Variants in GLCCI1 observed in about 807,000 individuals in gnomAD.
The protein encoded by GLCCI1 is glucocorticoid induced 1.
A neutral mutation model predicts 52.2 loss-of-function variants in GLCCI1; 24 were observed. The ratio of observed to expected loss-of-function variants is 0.46; its 90% CI spans 0.33 to 0.65. The LOEUF is 0.65. Among genes scored for constraint, GLCCI1 ranks in the 30% least tolerant of loss-of-function variants. GLCCI1 has a pLI of 0.02. For synonymous variants in GLCCI1, 310 were observed against 276.5 expected (o/e 1.12, Z -1.20); for missense variants, 704 against 701.5 (o/e 1.00, Z -0.04).
At chr7:8,053,392 T>C (rs1378731901) in intron 3 of GLCCI1, among the ~76,000 whole-genome samples, 2 of 150,782 alleles carry the variant, frequency 1.3e-5, no homozygotes, top group Non-Finnish European at 3.0e-5. Context: ...GGTGGGATCT[T>C]GGCTCACTGC....
In GLCCI1 at chr7:8,013,578, C is replaced by T. The variant is rs1044196927; in HGVS notation, c.610-8905C>T. 1.1e-3 allele frequency among the ~76,000 whole-genome samples: 165 copies of T among 152,188 alleles called. 2 individuals are homozygous for T. Among genetic ancestry groups the T allele is most frequent in the African/African-American group, 3.7e-3 (152 of 41,518 alleles). On this transcript the variant is annotated intron_variant, in intron 2 of 7. Coordinates refer to ENST00000223145, the MANE Select transcript of GLCCI1 (RefSeq NM_138426.4). ...CAATTCCTCAAAATGTTTTATATTA[C>T]AATTAAATATGAATTCAGGGGAATT...
chr7:8,065,924 T>G (rs1019290911), intron 5 of GLCCI1, among the ~76,000 whole-genome samples: 2 of 152,146 alleles, frequency 1.3e-5, no homozygotes, highest in African/African-American at 2.4e-5. Flanking sequence ...TAGAATTAGT[T>G]AAGGAGAAGT....
intron 6 of GLCCI1, among the ~76,000 whole-genome samples, chr7:8,077,974 C>T (rs111854710): frequency 0.014 from 2,127 of 152,136 alleles, 40 homozygotes; most frequent in African/African-American, 0.049. Flanking sequence ...GTGGCTCACG[C>T]CTGTAATCCC....
chr7:8,019,866 G>A, intron 2 of GLCCI1, among the ~76,000 whole-genome samples: 1 of 152,186 alleles, frequency 6.6e-6, no homozygotes, highest in East Asian at 1.9e-4. Context: ...GAGTTTGCAG[G>A]ACTGGAACCT....
intron 3 of GLCCI1, among the ~76,000 whole-genome samples, chr7:8,039,688 G>A (rs993569116): frequency 2.6e-5 from 4 of 152,152 alleles, no homozygotes; most frequent in African/African-American, 9.7e-5. Context: ...ATATTTAGGT[G>A]ATGGTTCCAC....
chr7:8,083,082 A>G (rs1783031497), intron 6 of GLCCI1, among the ~76,000 whole-genome samples: 2 of 152,188 alleles, frequency 1.3e-5, no homozygotes, highest in South Asian at 2.1e-4. Flanking sequence ...AGTAATCTCC[A>G]TGGAGGCATC....
At chr7:8,024,228 G>A (rs1781564936) in intron 3 of GLCCI1, among the ~76,000 whole-genome samples, 1 of 152,054 alleles carries the variant, frequency 6.6e-6, no homozygotes, top group African/African-American at 2.4e-5. Context: ...CATAGATATA[G>A]TTTATTAGCA....
rs959650131 is a variant in GLCCI1 at position 8,086,680 on chromosome 7, T to G, written c.*142T>G. ...ATAAAGTATCTCTTAAACACTGATC[T>G]TGGCAGGGACGGAACTCCTATTCAG... On this transcript the variant is annotated 3_prime_UTR_variant, in exon 8 of 8. Coordinates refer to ENST00000223145, the MANE Select transcript of GLCCI1 (RefSeq NM_138426.4). The surrounding 1 kb of genome is among the most constrained non-coding windows in gnomAD (Gnocchi z 4.4). The G allele has an allele frequency of 5.7e-5, 41 of 714,456 alleles. No homozygotes were observed. The African/African-American group carries it at 6.2e-4, about 11-fold the overall frequency. The allele number at this position is 714,456 out of a possible 1,614,324, so 44.3% of individuals were successfully genotyped here. A position where few individuals can be genotyped will look rare whatever the true frequency, so the allele number is the denominator to read the frequency against.
intron 6 of GLCCI1, among the ~76,000 whole-genome samples, chr7:8,075,195 A>G (rs1782851019): frequency 6.6e-6 from 1 of 152,146 alleles, no homozygotes; most frequent in Non-Finnish European, 1.5e-5. Flanking sequence ...TTGTAATGCC[A>G]GGACAAAAAC....
chr7:7,998,626 A>T (rs1181479254), intron 1 of GLCCI1, among the ~76,000 whole-genome samples: 2 of 152,144 alleles, frequency 1.3e-5, no homozygotes, highest in Admixed American at 6.5e-5. Flanking sequence ...TGTCTTTCTT[A>T]CTTTCTAGTG....
At chr7:8,052,165 G>T (rs1413141463) in intron 3 of GLCCI1, among the ~76,000 whole-genome samples, 1 of 151,962 alleles carries the variant, frequency 6.6e-6, no homozygotes, top group Non-Finnish European at 1.5e-5. Context: ...CTTTCAGGTA[G>T]CCTGAGTATT....
At position 7,969,360 on chromosome 7, in the gene GLCCI1, G is replaced by GCCTCCT. The variant is rs528042199; in HGVS notation, c.25_30dup (p.Ser12_Ser13dup). ...GGCCCGCAGAGCCACCATGTCCACT[G>GCCTCCT]CCTCCTCCTCCTCCTCCTCCAGTTC... On this transcript the variant is annotated inframe_insertion, in exon 1 of 8. Coordinates refer to ENST00000223145, the MANE Select transcript of GLCCI1 (RefSeq NM_138426.4). This position sits in a 1 kb window ranked among gnomAD's most constrained non-coding sequence, Gnocchi z 4.9. The GCCTCCT allele has an allele frequency of 8.9e-6, 13 of 1,465,666 alleles. No homozygotes were observed. Among genetic ancestry groups the GCCTCCT allele is most frequent in the Admixed American group, 6.1e-5 (3 of 48,992 alleles). 90.8% of individuals were successfully genotyped at this position (1,465,666 alleles called of 1,614,324 possible). A position where few individuals can be genotyped will look rare whatever the true frequency, so the allele number is the denominator to read the frequency against.
At chr7:8,008,550 C>T (rs952232011) in intron 2 of GLCCI1, among the ~76,000 whole-genome samples, 10 of 152,136 alleles carry the variant, frequency 6.6e-5, no homozygotes, top group African/African-American at 2.2e-4. Context: ...TAGACTTGAC[C>T]TCCCAGAGTG....
chr7:7,981,264 TTTTCTTTC>T (rs528707062), intron 1 of GLCCI1: 1 of 247,072 alleles, frequency 4.0e-6, no homozygotes, highest in Non-Finnish European at 7.7e-6. Flanking sequence ...CTTTCTCTTT[TTTTCTTTC>T]TTTCTTTCTT....
chr7:8,001,763 C>T (rs939798147), intron 1 of GLCCI1, among the ~76,000 whole-genome samples: 1 of 152,212 alleles, frequency 6.6e-6, no homozygotes, highest in African/African-American at 2.4e-5. Flanking sequence ...CCATGGAATA[C>T]TATGCAGCCA....
chr7:7,993,896 T>C (rs912695656), intron 1 of GLCCI1, among the ~76,000 whole-genome samples: 16 of 152,232 alleles, frequency 1.1e-4, no homozygotes, highest in Non-Finnish European at 2.1e-4. Flanking sequence ...CAAATGCTTC[T>C]TGACTTAGGT....
At chr7:8,082,564 C>A (rs1468021739) in intron 6 of GLCCI1, among the ~76,000 whole-genome samples, 4 of 152,006 alleles carry the variant, frequency 2.6e-5, no homozygotes, top group Non-Finnish European at 5.9e-5. Flanking sequence ...ACAAGCTTTG[C>A]CTTTCCAGAC....
chr7:8,081,521 C>T (rs922621402), intron 6 of GLCCI1, among the ~76,000 whole-genome samples: 2 of 152,240 alleles, frequency 1.3e-5, no homozygotes, highest in South Asian at 4.1e-4. Flanking sequence ...CTCACTGTCA[C>T]CCAGGCTGAA....
At chr7:8,054,449 G>C (rs55832940) in intron 3 of GLCCI1, among the ~76,000 whole-genome samples, 5,552 of 152,154 alleles carry the variant, frequency 0.036, 141 homozygotes, top group Non-Finnish European at 0.057. Context: ...ATTCTTCCTT[G>C]TTTGGGTGCT....
Sources: gnomAD v4.1 joint callset for allele counts (sites outside exome capture counted in the v4.1 genomes callset) on GRCh38, gnomAD v4.1.1 for gene constraint, Gnocchi (gnomAD v3.1) non-coding constraint, MANE v1.5 for transcripts, NCBI Gene and HGNC (gene_info 2026-07-23, HGNC 2026-07-21) for gene names.